BCL2L11: variants seen among roughly 807,000 people sequenced by gnomAD.
The protein encoded by BCL2L11 is bcl-2-like protein 11.
BCL2L11 carries 15 observed loss-of-function variants against 20.6 expected under a neutral mutation model. That is an observed-to-expected ratio of 0.73 (90% CI 0.49 to 1.12). BCL2L11 has a LOEUF of 1.12. Ranked by LOEUF, BCL2L11 falls within the 50% of genes most tolerant of loss-of-function variation. BCL2L11 has a pLI of 0.00. For synonymous variants in BCL2L11, 108 were observed against 92.8 expected, an observed-to-expected ratio of 1.16 and a Z score of -0.94; for missense variants, 292 against 260.9, an observed-to-expected ratio of 1.12 and a Z score of -0.82.
At chr2:111,156,188 T>A (rs147433277) in intron 3 of BCL2L11, among the ~76,000 whole-genome samples, 1 of 152,370 alleles carries the variant, frequency 6.6e-6, no homozygotes, top group African/African-American at 2.4e-5. Flanking sequence ...TTTGGAGGTC[T>A]TCATTAATTG....
rs765527733 is a variant in BCL2L11, at chr2:111,164,196, C to T, written c.562C>T (p.Arg188Cys). Residue 188 changes from arginine (R) to cysteine (C), a missense_variant, in exon 4 of 4, where the codon CGT becomes TGT. By Grantham distance (180) the Arg-to-Cys change is radical (BLOSUM62 -3). Transcript: ENST00000393256. Reference sequence around the variant, plus strand: ...ACGAATGGTTATCTTACGACTGTTACGTTACATTGTCCGCCTGGTGTGGAG... The same window carrying T: ...ACGAATGGTTATCTTACGACTGTTATGTTACATTGTCCGCCTGGTGTGGAG... ...HPRMVILRLL[R>C]YIVRLVWRMH 9.3e-6 allele frequency: 15 copies of T among 1,611,870 alleles called. No homozygotes were observed. The highest frequency in any genetic ancestry group is 5.5e-5 in the South Asian group (5 of 91,036).
intron 2 of BCL2L11, chr2:111,128,756 T>A: frequency 6.5e-7 from 1 of 1,544,598 alleles, no homozygotes; most frequent in Non-Finnish European, 8.7e-7. Context: ...TCATGATACC[T>A]TTTTATAGCC....
At chr2:111,142,394 G>C in intron 2 of BCL2L11, 3 of 1,549,798 alleles carry the variant, frequency 1.9e-6, no homozygotes, top group Non-Finnish European at 2.6e-6. Context: ...AAATCAAGGT[G>C]AAAAGTTTTT....
intron 3 of BCL2L11, among the ~76,000 whole-genome samples, chr2:111,157,025 T>C (rs896710246): frequency 3.9e-5 from 6 of 152,224 alleles, no homozygotes; most frequent in African/African-American, 1.4e-4. Flanking sequence ...TGTCTGGGTG[T>C]AGGCAAATAT....
rs1018280322 is a variant in BCL2L11 at position 111,166,619 on chromosome 2, G to T, written c.*2388G>T. 6.5e-6 allele frequency: 1 copy of T among 152,716 alleles called. No homozygotes were observed. The highest frequency in any genetic ancestry group is 2.4e-5 in the African/African-American group (1 of 41,548). The allele number at this position is 152,716 out of a possible 1,614,324, so 9.5% of individuals were successfully genotyped here. On this transcript the variant is annotated 3_prime_UTR_variant, in exon 4 of 4. Transcript: ENST00000393256. ...ATCCCCTTTTTGGAAACTTACTGCA[G>T]GTTTTGTGCCTTGACAACCTCTCCC... is the stretch of plus-strand genomic sequence containing the variant.
At chr2:111,142,270 G>A (rs1457670361) in intron 2 of BCL2L11, 1 of 1,498,432 alleles carries the variant, frequency 6.7e-7, no homozygotes. Flanking sequence ...TGTCTGGGAA[G>A]ACATGGCACA....
chr2:111,138,585 G>A (rs915772345), intron 2 of BCL2L11, among the ~76,000 whole-genome samples: 3 of 152,124 alleles, frequency 2.0e-5, no homozygotes, highest in Admixed American at 1.3e-4. Flanking sequence ...GAAAGTACTC[G>A]GGGTGAACAT....
chr2:111,142,194 A>C (rs2075933568), intron 2 of BCL2L11: 1 of 825,068 alleles, frequency 1.2e-6, no homozygotes. Flanking sequence ...TACATCCTTA[A>C]CTTGCACTTG....
At chr2:111,155,686 A>G (rs986630081) in intron 3 of BCL2L11, among the ~76,000 whole-genome samples, 2 of 152,120 alleles carry the variant, frequency 1.3e-5, no homozygotes, top group African/African-American at 2.4e-5. Context: ...GCTCTTGGCT[A>G]ACTGTGACCT....
intron 3 of BCL2L11, 80 bp downstream of exon 3, chr2:111,150,227 C>G (rs1372615516): frequency 3.9e-6 from 6 of 1,540,820 alleles, no homozygotes; most frequent in Non-Finnish European, 5.3e-6. Context: ...ACAGTGACTT[C>G]TTGTAACTAC....
chr2:111,132,080 C>G (rs990895267), intron 2 of BCL2L11: 6 of 152,126 alleles, frequency 3.9e-5, no homozygotes, highest in African/African-American at 1.2e-4. Flanking sequence ...TCTCATGTGC[C>G]TTGCTCTTCT....
chr2:111,130,107 C>CTTTT, intron 2 of BCL2L11: 1 of 393,498 alleles, frequency 2.5e-6, no homozygotes, highest in South Asian at 1.8e-5. Context: ...ACTTTTACTT[C>CTTTT]TCTTTTTTTT....
chr2:111,164,153 A>G lies in BCL2L11; in HGVS notation c.519A>G (p.Gln173=). The part of the protein sequence containing the change: ...YARRVFLNNY[Q]AAEDHPRMVI... ...TTCAGGTATTTTTGAATAATTACCAAGCAGCCGAAGACCACCCACGAATGG... is the reference window on the plus strand; with the variant it reads ...TTCAGGTATTTTTGAATAATTACCAGGCAGCCGAAGACCACCCACGAATGG... The change falls in exon 4 of 4, where the codon CAA becomes CAG. Residue 173 remains glutamine (Q), a synonymous_variant. Coordinates refer to ENST00000393256, the MANE Select transcript of BCL2L11 (RefSeq NM_138621.5). The G allele has an allele frequency of 6.2e-7, 1 of 1,611,590 alleles. No homozygotes were observed. The highest frequency in any genetic ancestry group is 1.1e-5 in the South Asian group (1 of 91,026).
intron 2 of BCL2L11, among the ~76,000 whole-genome samples, chr2:111,134,270 T>G (rs2074462174): frequency 6.6e-6 from 1 of 152,156 alleles, no homozygotes; most frequent in South Asian, 2.1e-4. Flanking sequence ...TACGAACATT[T>G]TCTAGGATTT....
rs115158848 is a variant in BCL2L11 at position 111,164,456 on chromosome 2, G to A, written c.*225G>A. 5.5e-3 allele frequency: 2,368 copies of A among 426,806 alleles called. 46 individuals carry two copies. Among genetic ancestry groups the A allele is most frequent in the African/African-American group, 0.042 (2,163 of 51,370 alleles). The allele number at this position is 426,806 out of a possible 1,614,324, so 26.4% of individuals were successfully genotyped here. A position where few individuals can be genotyped will look rare whatever the true frequency, so the allele number is the denominator to read the frequency against. On this transcript the variant is annotated 3_prime_UTR_variant, in exon 4 of 4. Coordinates refer to ENST00000393256, the MANE Select transcript of BCL2L11 (RefSeq NM_138621.5). ...GTTTGTTGTGAATGTAAAGGAGGGA[G>A]CATTCTTTGCTTTTTAATATACAAA...
rs536290774 is a variant in BCL2L11, at chr2:111,158,047, A to G, written c.499-6086A>G. Among the ~76,000 whole-genome samples the G allele has an allele frequency of 5.6e-4, 86 of 152,248 alleles. 2 individuals carry two copies. In the South Asian group the frequency reaches 0.015, roughly 26 times the overall value. On this transcript the variant is annotated intron_variant, in intron 3 of 3. Transcript: ENST00000393256. ...TTTGGTGTTGGGCAGTATTGTAGCA[A>G]TCTCCTCTGACACCTGAAAACAGCA...
intron 3 of BCL2L11, among the ~76,000 whole-genome samples, chr2:111,162,144 A>G (rs2078638826): frequency 6.6e-6 from 1 of 152,210 alleles, no homozygotes; most frequent in Non-Finnish European, 1.5e-5. Flanking sequence ...TCGAGCCAAC[A>G]GCAGCTCCAG....
In BCL2L11 at chr2:111,165,393, T is replaced by C. The variant is rs1366894588; in HGVS notation, c.*1162T>C. ...GCTTCTGATGGCCATTTGCTTGGCC[T>C]CCTGCATTTTAGTCCAACTCACAGT... On this transcript the variant is annotated 3_prime_UTR_variant, in exon 4 of 4. Coordinates refer to ENST00000393256, the MANE Select transcript of BCL2L11 (RefSeq NM_138621.5). 1.3e-5 allele frequency: 2 copies of C among 152,358 alleles called. No individual in the cohort carries two copies. Among genetic ancestry groups the C allele is most frequent in the Non-Finnish European group, 2.9e-5 (2 of 68,128 alleles). The allele number at this position is 152,358 out of a possible 1,614,324, so 9.4% of individuals were successfully genotyped here.
chr2:111,149,680 A>G (rs914432777), intron 2 of BCL2L11, among the ~76,000 whole-genome samples: 1 of 152,174 alleles, frequency 6.6e-6, no homozygotes, highest in African/African-American at 2.4e-5. Context: ...GAAAAACTAA[A>G]TTGTTATGTT....
Sources: gnomAD v4.1 joint callset for allele counts (sites outside exome capture counted in the v4.1 genomes callset) on GRCh38, gnomAD v4.1.1 for gene constraint, MANE v1.5 for transcripts, NCBI Gene and HGNC (gene_info 2026-07-23, HGNC 2026-07-21) for gene names.